GPHN: variants seen among roughly 807,000 people sequenced by gnomAD.
GPHN encodes the protein gephyrin.
Under a neutral mutation model 95.5 loss-of-function variants are expected in GPHN, and 17 were observed. The ratio of observed to expected loss-of-function variants is 0.18; its 90% CI spans 0.12 to 0.27. The LOEUF is 0.27. Among genes scored for constraint, GPHN ranks in the 10% least tolerant of loss-of-function variants. The pLI is 1.00. For synonymous variants in GPHN, 320 were observed against 322.5 expected (o/e 0.99, Z 0.08); for missense variants, 660 against 978.1 (o/e 0.67, Z 4.34).
At chr14:67,584,169 C>A in the GPHN span, 2 of 1,591,512 alleles carry the variant, frequency 1.3e-6, no homozygotes, top group South Asian at 2.2e-5. Flanking sequence ...AGGTGTGTCC[C>A]CAACTGCTCA....
At chr14:66,937,382 C>T (rs959683394) in intron 8 of GPHN, among the ~76,000 whole-genome samples, 4 of 150,612 alleles carry the variant, frequency 2.7e-5, no homozygotes, top group African/African-American at 4.9e-5. Flanking sequence ...ATAACTGGAG[C>T]AATTTTTTTT....
the GPHN span, chr14:67,323,718 G>A: frequency 1.2e-5 from 19 of 1,578,078 alleles, no homozygotes; most frequent in African/African-American, 5.5e-5. Context: ...AAGACTCTCC[G>A]GAATTCAGAT....
the GPHN span, among the ~76,000 whole-genome samples, chr14:67,594,710 G>T: frequency 6.6e-6 from 1 of 151,608 alleles, no homozygotes; most frequent in Non-Finnish European, 1.5e-5. Context: ...ACAGGAGGGA[G>T]TTATGTCCTG....
At chr14:67,199,189 A>G in the GPHN span, 2 of 1,606,114 alleles carry the variant, frequency 1.2e-6, no homozygotes, top group Non-Finnish European at 1.7e-6. Flanking sequence ...GTCAACACCC[A>G]CATGCCAAAG....
chr14:67,491,750 G>A, the GPHN span, among the ~76,000 whole-genome samples: 2 of 152,140 alleles, frequency 1.3e-5, no homozygotes, highest in Non-Finnish European at 2.9e-5. Flanking sequence ...AGTAAGAAAA[G>A]CCCTGAGCAC....
the GPHN span, chr14:67,674,410 C>A: frequency 6.2e-7 from 1 of 1,607,100 alleles, no homozygotes; most frequent in Non-Finnish European, 8.5e-7. Context: ...CTCGGGCACC[C>A]CTTGTAGGTC....
At chr14:66,738,882 G>A (rs958071822) in intron 2 of GPHN, among the ~76,000 whole-genome samples, 2 of 151,984 alleles carry the variant, frequency 1.3e-5, no homozygotes, top group Non-Finnish European at 2.9e-5. Flanking sequence ...TTTTAATACT[G>A]TATAATACCA....
At chr14:66,988,049 C>G (rs1057342415) in intron 9 of GPHN, among the ~76,000 whole-genome samples, 1 of 151,902 alleles carries the variant, frequency 6.6e-6, no homozygotes, top group Non-Finnish European at 1.5e-5. Flanking sequence ...TAAACTTCTG[C>G]TGACTGGTAA....
chr14:67,225,029 T>G, the GPHN span: 1 of 1,204,394 alleles, frequency 8.3e-7, no homozygotes, highest in Non-Finnish European at 1.1e-6. Context: ...GCCTTTTTTT[T>G]CCTCCTGCTT....
At chr14:67,030,157 GT>G (rs1555468199) in intron 10 of GPHN, among the ~76,000 whole-genome samples, 1 of 151,392 alleles carries the variant, frequency 6.6e-6, no homozygotes, top group South Asian at 2.1e-4. Context: ...CTAAACTTCA[GT>G]TTTTTTTCCA....
intron 4 of GPHN, among the ~76,000 whole-genome samples, chr14:66,855,758 C>G (rs1376967500): frequency 6.6e-6 from 1 of 151,810 alleles, no homozygotes; most frequent in Non-Finnish European, 1.5e-5. Flanking sequence ...AACTATAGTT[C>G]TTTATACTAT....
chr14:67,202,764 G>T, the GPHN span, among the ~76,000 whole-genome samples: 4 of 152,156 alleles, frequency 2.6e-5, no homozygotes, highest in Non-Finnish European at 5.9e-5. Flanking sequence ...GAACATCACT[G>T]CCTGTCTCCC....
At chr14:67,255,209 A>C in the GPHN span, among the ~76,000 whole-genome samples, 1 of 152,188 alleles carries the variant, frequency 6.6e-6, no homozygotes, top group Non-Finnish European at 1.5e-5. Flanking sequence ...CACTTCAGAC[A>C]CGTTTTTCAG....
At position 66,629,100 on chromosome 14, in the gene GPHN, T is replaced by TGTATATAAATAC. The variant is rs2063638636; in HGVS notation, c.65-52007_65-52006insGTATATAAATAC. On this transcript the variant is annotated intron_variant, in intron 1 of 22. Coordinates refer to ENST00000478722, the MANE Select transcript of GPHN (RefSeq NM_020806.5). ...AAATACATATATATATATATAAATA[T>TGTATATAAATAC]ATATTTATATACATATATAAATATG... Among the ~76,000 whole-genome samples the TGTATATAAATAC allele has an allele frequency of 2.2e-5, 3 of 136,452 alleles. No individual in the cohort carries two copies. The South Asian group carries it at 6.6e-4, about 30-fold the overall frequency. 89.5% of individuals were successfully genotyped at this position (136,452 alleles called of 152,430 possible).
intron 3 of GPHN, among the ~76,000 whole-genome samples, chr14:66,796,485 GTTCCCTT>G (rs2060162502): frequency 6.6e-6 from 1 of 151,950 alleles, no homozygotes; most frequent in South Asian, 2.1e-4. Flanking sequence ...GTGTACAAGG[GTTCCCTT>G]TTCTTCACAT....
At chr14:66,941,145 G>A (rs532304054) in intron 8 of GPHN, among the ~76,000 whole-genome samples, 6 of 152,084 alleles carry the variant, frequency 3.9e-5, no homozygotes, top group African/African-American at 1.4e-4. Context: ...GGAACATGCA[G>A]GGTTAGTCTA....
At chr14:67,089,610 T>G (rs2153669104) in intron 12 of GPHN, among the ~76,000 whole-genome samples, 1 of 152,250 alleles carries the variant, frequency 6.6e-6, no homozygotes, top group East Asian at 1.9e-4. Context: ...TGTTTTCTAG[T>G]TGAAAACATC....
the GPHN span, chr14:67,578,681 G>A: frequency 4.6e-5 from 54 of 1,161,888 alleles, no homozygotes; most frequent in Non-Finnish European, 5.4e-5. This position sits in a 1 kb window ranked among gnomAD's most constrained non-coding sequence, Gnocchi z 5.0. Flanking sequence ...GCCAACTGCC[G>A]CATGAATAAG....
the GPHN span, among the ~76,000 whole-genome samples, chr14:67,329,185 T>C: frequency 1.3e-5 from 2 of 152,180 alleles, no homozygotes; most frequent in African/African-American, 4.8e-5. Flanking sequence ...CTTGAAGAGG[T>C]CCTTCACATC....
Sources: gnomAD v4.1 joint callset for allele counts (sites outside exome capture counted in the v4.1 genomes callset) on GRCh38, gnomAD v4.1.1 for gene constraint, Gnocchi (gnomAD v3.1) non-coding constraint, MANE v1.5 for transcripts, NCBI Gene and HGNC (gene_info 2026-07-23, HGNC 2026-07-21) for gene names.